Variants in ATP10B observed in about 807,000 individuals in gnomAD.
ATP10B encodes ATPase phospholipid transporting 10B (putative), also known as phospholipid-transporting ATPase VB.
ATP10B carries 122 observed loss-of-function variants against 141.2 expected under a neutral mutation model. That is an observed-to-expected ratio of 0.86 (90% CI 0.75 to 1.00). The LOEUF (loss-of-function observed/expected upper bound fraction) is 1.00, where lower values mean the gene tolerates loss of function less well. Among genes scored for constraint, ATP10B ranks in the 50% least tolerant of loss-of-function variants. The pLI is 0.00. For synonymous variants in ATP10B, 685 were observed against 692.0 expected (o/e 0.99, Z 0.16); for missense variants, 1,876 against 1,825.3 (o/e 1.03, Z -0.51).
intron 2 of ATP10B, among the ~76,000 whole-genome samples, chr5:160,755,876 T>TA (rs1554112408): frequency 3.5e-5 from 4 of 115,244 alleles, no homozygotes; most frequent in African/African-American, 1.8e-4. Flanking sequence ...TATATATATA[T>TA]ATTATAATTT....
intron 13 of ATP10B, among the ~76,000 whole-genome samples, chr5:160,623,968 C>T (rs918886764): frequency 1.3e-5 from 2 of 152,192 alleles, no homozygotes; most frequent in Non-Finnish European, 2.9e-5. Flanking sequence ...CTAACTACAG[C>T]TTTTTTGAAG....
intron 2 of ATP10B, among the ~76,000 whole-genome samples, chr5:160,740,497 G>A (rs947393443): frequency 6.6e-6 from 1 of 152,086 alleles, no homozygotes; most frequent in African/African-American, 2.4e-5. Context: ...ATCGGCCCTG[G>A]CTCTCCACTG....
intron 3 of ATP10B, among the ~76,000 whole-genome samples, chr5:160,707,151 A>T (rs1217428329): frequency 6.6e-6 from 1 of 152,024 alleles, no homozygotes; most frequent in Admixed American, 6.6e-5. Flanking sequence ...GGGTTTCACC[A>T]TGTTGGCCAG....
At chr5:160,841,649 G>A (rs1408743701) in intron 1 of ATP10B, among the ~76,000 whole-genome samples, 3 of 152,122 alleles carry the variant, frequency 2.0e-5, no homozygotes, top group Admixed American at 6.6e-5. Flanking sequence ...AAAGGGGAGA[G>A]GAAGAAGTAA....
At chr5:160,869,279 A>AT in the ATP10B span, among the ~76,000 whole-genome samples, 10 of 152,012 alleles carry the variant, frequency 6.6e-5, no homozygotes, top group Non-Finnish European at 1.3e-4. Flanking sequence ...AATTGCTTTC[A>AT]TTTTTTCCCA....
chr5:160,810,855 A>G (rs1773108025), intron 1 of ATP10B, among the ~76,000 whole-genome samples: 2 of 152,174 alleles, frequency 1.3e-5, no homozygotes, highest in South Asian at 4.1e-4. Context: ...CTTGCTTGCT[A>G]TGCCAACATT....
intron 8 of ATP10B, among the ~76,000 whole-genome samples, chr5:160,647,535 G>C (rs922180728): frequency 1.3e-5 from 2 of 152,160 alleles, no homozygotes; most frequent in South Asian, 4.1e-4. Context: ...TCTGAGAGGG[G>C]CAGGCTGGAG....
chr5:160,910,777 C>T, the ATP10B span, among the ~76,000 whole-genome samples: 31 of 152,274 alleles, frequency 2.0e-4, no homozygotes, highest in Non-Finnish European at 3.1e-4. Context: ...AGTACATACA[C>T]GACTCAGAAT....
At chr5:160,901,833 G>C in the ATP10B span, among the ~76,000 whole-genome samples, 1 of 152,222 alleles carries the variant, frequency 6.6e-6, no homozygotes, top group Non-Finnish European at 1.5e-5. Flanking sequence ...ACTTTGTTCA[G>C]AGAATAGGTT....
chr5:160,731,342 C>T (rs527515409), intron 2 of ATP10B, among the ~76,000 whole-genome samples: 1 of 152,312 alleles, frequency 6.6e-6, no homozygotes, highest in African/African-American at 2.4e-5. Flanking sequence ...TAATCCTCTG[C>T]TGGTGAATTT....
At chr5:160,626,949 TG>T (rs1219866401) in intron 13 of ATP10B, among the ~76,000 whole-genome samples, 1 of 152,236 alleles carries the variant, frequency 6.6e-6, no homozygotes, top group Non-Finnish European at 1.5e-5. Flanking sequence ...ACAGGAACCC[TG>T]GTTCCTGAGC....
At chr5:160,807,260 G>C (rs1159539711) in intron 1 of ATP10B, among the ~76,000 whole-genome samples, 1 of 152,122 alleles carries the variant, frequency 6.6e-6, no homozygotes, top group African/African-American at 2.4e-5. Flanking sequence ...CTCTGGTAAG[G>C]GAAACTATTT....
intron 22 of ATP10B, among the ~76,000 whole-genome samples, chr5:160,598,167 G>A (rs1756847506): frequency 6.6e-6 from 1 of 151,592 alleles, no homozygotes; most frequent in South Asian, 2.1e-4. Flanking sequence ...ACTGGATTAA[G>A]AAAATGTGGC....
Position 160,852,005 on chromosome 5 carries a change from G to T in ATP10B, c.-640C>A, listed in dbSNP as rs543648332. On this transcript the variant is annotated 5_prime_UTR_variant, in exon 1 of 26. Transcript: ENST00000327245. ...GAAGAAAACAGTGCTTGAAAGTGGC[G>T]GTATTTCTCTCGCACACCTTGGCTA... The T allele has an allele frequency of 1.3e-5, 2 of 151,978 alleles. No homozygotes were observed. The highest frequency in any genetic ancestry group is 4.8e-5 in the African/African-American group (2 of 41,380). 9.4% of individuals were successfully genotyped at this position (151,978 alleles called of 1,614,324 possible).
chr5:160,858,046 C>A, the ATP10B span, among the ~76,000 whole-genome samples: 5 of 151,446 alleles, frequency 3.3e-5, no homozygotes, highest in Non-Finnish European at 7.4e-5. Flanking sequence ...TTTTTATATT[C>A]GATTTTTTAT....
chr5:160,581,417 A>T (rs1334219571), intron 24 of ATP10B, among the ~76,000 whole-genome samples: 1 of 152,198 alleles, frequency 6.6e-6, no homozygotes, highest in Non-Finnish European at 1.5e-5. Context: ...CCCAGTGGTC[A>T]TTCAGGAGCA....
chr5:160,617,038 C>T (rs1204927884), intron 16 of ATP10B, among the ~76,000 whole-genome samples: 2 of 152,144 alleles, frequency 1.3e-5, no homozygotes, highest in African/African-American at 2.4e-5. Flanking sequence ...GGGACTAGTA[C>T]CCAGGTGGTT....
At chr5:160,680,861 G>A (rs1301827694) in intron 6 of ATP10B, among the ~76,000 whole-genome samples, 2 of 152,172 alleles carry the variant, frequency 1.3e-5, no homozygotes, top group African/African-American at 4.8e-5. Context: ...CTAGGGAGTA[G>A]TAAGCTTCCT....
At chr5:160,905,897 T>A in the ATP10B span, among the ~76,000 whole-genome samples, 15 of 151,512 alleles carry the variant, frequency 9.9e-5, no homozygotes, top group South Asian at 2.9e-3. Context: ...AAAAAAAAAA[T>A]GTGTCTGGAG....
Sources: allele counts gnomAD v4.1 joint callset (sites outside exome capture counted in the v4.1 genomes callset), GRCh38; gene constraint gnomAD v4.1.1; transcripts MANE v1.5; gene names NCBI Gene and HGNC (gene_info 2026-07-23, HGNC 2026-07-21).